The following PDCD6IP variants were observed in gnomAD, a reference collection of about 807,000 sequenced individuals.
The protein encoded by PDCD6IP is programmed cell death 6 interacting protein.
Under a neutral mutation model 103.7 loss-of-function variants are expected in PDCD6IP, and 43 were observed. That is an observed-to-expected ratio of 0.41 (90% confidence interval 0.32 to 0.53). PDCD6IP has a LOEUF of 0.53. Among genes scored for constraint, PDCD6IP ranks in the 20% least tolerant of loss-of-function variants. The pLI, the probability that PDCD6IP is intolerant of heterozygous loss-of-function variation, is 0.16. For synonymous variants in PDCD6IP, 354 were observed against 378.7 expected (o/e 0.93, Z 0.76); for missense variants, 871 against 1,036.7 (o/e 0.84, Z 2.20).
intron 3 of PDCD6IP, among the ~76,000 whole-genome samples, chr3:33,818,588 G>A (rs1033136465): frequency 2.9e-5 from 4 of 136,536 alleles, no homozygotes; most frequent in African/African-American, 1.1e-4. Context: ...GCACGATCTC[G>A]GCTCACTGCA....
At chr3:33,806,919 AT>A (rs962286120) in intron 1 of PDCD6IP, among the ~76,000 whole-genome samples, 2 of 152,146 alleles carry the variant, frequency 1.3e-5, no homozygotes, top group Non-Finnish European at 2.9e-5. Context: ...GATCTCTCTC[AT>A]TTTGTTGGGG....
chr3:33,839,237 G>T (rs530400981), intron 9 of PDCD6IP, among the ~76,000 whole-genome samples: 1 of 152,116 alleles, frequency 6.6e-6, no homozygotes, highest in Non-Finnish European at 1.5e-5. Flanking sequence ...GCCCCTGGCC[G>T]CTATTGATCT....
chr3:33,818,009 T>C (rs953932909), intron 3 of PDCD6IP, among the ~76,000 whole-genome samples: 2 of 151,618 alleles, frequency 1.3e-5, no homozygotes, highest in Non-Finnish European at 2.9e-5. Flanking sequence ...GGTATGATAA[T>C]ATTTATGGGC....
chr3:33,810,859 G>A lies in PDCD6IP; in HGVS notation c.210-1213G>A, dbSNP rs569094181. On this transcript the variant is annotated intron_variant, in intron 1 of 17. Transcript: ENST00000307296. ...ATCTCCAGTTCCAGTTTAAAACTGT[G>A]GAGTTATTCTAACCTTCTGCCTTCT... Among the ~76,000 whole-genome samples, 21 of 151,564 alleles carry A rather than the reference G, an allele frequency of 1.4e-4. No homozygotes were observed. The South Asian group carries it at 4.4e-3, about 32-fold the overall frequency.
chr3:33,837,619 T>TG (rs1350233337), intron 8 of PDCD6IP, among the ~76,000 whole-genome samples: 2 of 151,878 alleles, frequency 1.3e-5, no homozygotes, highest in East Asian at 3.9e-4. Context: ...GACCGAGTCT[T>TG]GCTCTGTTGC....
At position 33,868,932 on chromosome 3, in the gene PDCD6IP, C is replaced by T. The variant is rs1383806202; in HGVS notation, c.*2407C>T. On this transcript the variant is annotated 3_prime_UTR_variant, in exon 18 of 18. Transcript: ENST00000307296. ...GAGAACTCTCCCTGTGCCCCTTGGT[C>T]TTTATTCTCAATTAAGAAAAACAGT... 6.6e-6 allele frequency: 1 copy of T among 152,190 alleles called. No individual in the cohort carries two copies. The highest frequency in any genetic ancestry group is 1.5e-5 in the Non-Finnish European group (1 of 68,036). The allele number at this position is 152,190 out of a possible 1,614,324, so 9.4% of individuals were successfully genotyped here.
chr3:33,821,291 T>C (rs766717335), intron 3 of PDCD6IP, among the ~76,000 whole-genome samples: 23 of 151,604 alleles, frequency 1.5e-4, no homozygotes, highest in Non-Finnish European at 3.1e-4. Context: ...ATTACAGGAG[T>C]GAGCCACCAT....
chr3:33,821,819 C>T (rs1022012923), intron 3 of PDCD6IP, 136 bp from the exon 4 acceptor site: 93 of 735,972 alleles, frequency 1.3e-4, no homozygotes, highest in Admixed American at 8.3e-4. Flanking sequence ...GAGCATATGA[C>T]AGCAAGAAAA....
At position 33,825,344 on chromosome 3, in the gene PDCD6IP, A is replaced by T. The variant is rs1398643778; in HGVS notation, c.616+4A>T. 3.2e-6 allele frequency: 5 copies of T among 1,585,902 alleles called. No homozygotes were observed. Among genetic ancestry groups the T allele is most frequent in the Non-Finnish European group, 4.3e-6 (5 of 1,172,540 alleles). On this transcript the variant is annotated splice_donor_region_variant and intron_variant, in intron 5 of 17. Transcript: ENST00000307296. ...TTTTTTTTAAAAGCCACAAGAGGTAACTCCAATTTATCTTTTTGTTGCATG... is the reference window on the plus strand; with the variant it reads ...TTTTTTTTAAAAGCCACAAGAGGTATCTCCAATTTATCTTTTTGTTGCATG...
intron 2 of PDCD6IP, 97 bp from the exon 3 acceptor site, chr3:33,813,462 C>T: frequency 1.3e-6 from 1 of 741,866 alleles, no homozygotes; most frequent in Non-Finnish European, 2.3e-6. Context: ...GAGCTTTTGT[C>T]CTTTTTTTCA....
intron 1 of PDCD6IP, among the ~76,000 whole-genome samples, chr3:33,800,962 A>T (rs1244194766): frequency 1.3e-5 from 2 of 152,292 alleles, no homozygotes; most frequent in East Asian, 3.9e-4. Flanking sequence ...TACCAGACTT[A>T]AATGTGTGAA....
At chr3:33,845,930 A>AT (rs1174466656) in intron 12 of PDCD6IP, among the ~76,000 whole-genome samples, 1 of 152,202 alleles carries the variant, frequency 6.6e-6, no homozygotes, top group Admixed American at 6.5e-5. Context: ...AGATACACAA[A>AT]TTCTTTATTT....
intron 10 of PDCD6IP, among the ~76,000 whole-genome samples, chr3:33,842,384 T>C (rs1697495528): frequency 6.6e-6 from 1 of 152,202 alleles, no homozygotes; most frequent in Non-Finnish European, 1.5e-5. Context: ...ATTATTGATT[T>C]ATTTTATGCA....
intron 3 of PDCD6IP, among the ~76,000 whole-genome samples, chr3:33,821,204 C>G (rs34699102): frequency 2.7e-5 from 4 of 150,210 alleles, no homozygotes; most frequent in Non-Finnish European, 5.9e-5. Flanking sequence ...GAGATGGGGT[C>G]TTGCTGTGTT....
At chr3:33,843,892 A>G (rs1289361781) in intron 10 of PDCD6IP, among the ~76,000 whole-genome samples, 2 of 96,172 alleles carry the variant, frequency 2.1e-5, no homozygotes, top group Non-Finnish European at 2.1e-5. Flanking sequence ...TTTTTTTTTT[A>G]CTGAGAAAGG....
At chr3:33,852,336 T>C in intron 12 of PDCD6IP, 152 bp from the exon 13 acceptor site, 3 of 1,317,666 alleles carry the variant, frequency 2.3e-6, no homozygotes, top group Non-Finnish European at 3.0e-6. Context: ...ACAGTGTCTA[T>C]CTATATAAAC....
At chr3:33,861,011 A>C (rs1317481602) in intron 15 of PDCD6IP, among the ~76,000 whole-genome samples, 2 of 147,872 alleles carry the variant, frequency 1.4e-5, no homozygotes, top group Admixed American at 6.7e-5. Flanking sequence ...AAAAAAAAAA[A>C]AACAGGTGAA....
chr3:33,845,494 A>G lies in PDCD6IP; in HGVS notation c.1547A>G (p.His516Arg). 1 of 1,613,886 alleles carries G rather than the reference A, an allele frequency of 6.2e-7. No individual in the cohort carries two copies. The highest frequency in any genetic ancestry group is 1.1e-5 in the South Asian group (1 of 91,072). The change falls in exon 12 of 18, where the codon CAT becomes CGT. Residue 516 changes from histidine to arginine, a missense_variant. His to Arg is a conservative substitution (Grantham distance 29, BLOSUM62 0). This residue lies in a region of PDCD6IP where 266 missense variants were observed against 390.5 expected (regional missense o/e 0.68). Coordinates refer to ENST00000307296, the MANE Select transcript of PDCD6IP (RefSeq NM_013374.6). ...CAAGTGAAAGAATGTTACCAGTCTC[A>G]TCGTGACACCATCGTGCTTTTGTGT... ...DGQVKECYQS[H>R]RDTIVLLCKP...
intron 10 of PDCD6IP, 93 bp downstream of exon 10, chr3:33,842,167 C>G (rs1464929697): frequency 2.4e-6 from 2 of 827,466 alleles, no homozygotes; most frequent in African/African-American, 3.4e-5. Flanking sequence ...CATGCTAGTA[C>G]AGTGTAGTTA....
Sources: gnomAD v4.1 joint callset for allele counts (sites outside exome capture counted in the v4.1 genomes callset) on GRCh38, gnomAD v4.1.1 for gene constraint, gnomAD v4.1.1 regional missense constraint, MANE v1.5 for transcripts, NCBI Gene and HGNC (gene_info 2026-07-23, HGNC 2026-07-21) for gene names.